The following PRICKLE2 variants were observed in gnomAD, a reference collection of about 807,000 sequenced individuals.
The protein encoded by PRICKLE2 is prickle planar cell polarity protein 2, also known as prickle-like protein 2.
A neutral mutation model predicts 81.4 loss-of-function variants in PRICKLE2; 21 were observed. That is an observed-to-expected ratio of 0.26 (90% CI 0.18 to 0.37). The LOEUF is 0.37. PRICKLE2 is among the 10% of genes least tolerant of loss of function. The pLI is 1.00. For missense variants in PRICKLE2, 940 were observed against 1,109.0 expected (o/e 0.85, Z 2.16); for synonymous variants, 456 against 421.5 (o/e 1.08, Z -1.00).
At chr3:64,244,851 T>C (rs1339270357) in intron 2 of PRICKLE2, among the ~76,000 whole-genome samples, 1 of 152,200 alleles carries the variant, frequency 6.6e-6, no homozygotes, top group Non-Finnish European at 1.5e-5. Context: ...GGTATGATTC[T>C]ACTGCGGTTG....
In PRICKLE2 at chr3:64,098,868, A is replaced by C. The variant is rs573021227; in HGVS notation, c.*183T>G. The C allele has an allele frequency of 1.9e-4, 126 of 663,590 alleles. No homozygotes were observed. The African/African-American group carries it at 2.1e-3, about 11-fold the overall frequency. 41.1% of individuals were successfully genotyped at this position (663,590 alleles called of 1,614,324 possible). Reference sequence around the variant, plus strand: ...AAGTGAAATGTGCAAATAATATTCAACATGCCAAGAACTGTGACTACCTAT... The same window carrying C: ...AAGTGAAATGTGCAAATAATATTCACCATGCCAAGAACTGTGACTACCTAT... On this transcript the variant is annotated 3_prime_UTR_variant, in exon 8 of 8. Transcript: ENST00000638394.
chr3:64,182,077 G>A (rs1046951562), intron 2 of PRICKLE2, among the ~76,000 whole-genome samples: 1 of 151,856 alleles, frequency 6.6e-6, no homozygotes, highest in African/African-American at 2.4e-5. Flanking sequence ...GTGGCCCTAT[G>A]GTCTGAATTT....
intron 2 of PRICKLE2, among the ~76,000 whole-genome samples, chr3:64,183,169 AG>A (rs1315888540): frequency 1.3e-5 from 2 of 152,170 alleles, no homozygotes; most frequent in Non-Finnish European, 2.9e-5. Flanking sequence ...ATGCAATGTT[AG>A]TATTATAGAA....
chr3:64,188,473 T>C (rs1277790139), intron 2 of PRICKLE2, among the ~76,000 whole-genome samples: 1 of 152,240 alleles, frequency 6.6e-6, no homozygotes, highest in Non-Finnish European at 1.5e-5. Flanking sequence ...TTCTGGTTTA[T>C]TTGGTCTGGG....
intron 2 of PRICKLE2, among the ~76,000 whole-genome samples, chr3:64,237,239 G>T (rs1475614545): frequency 6.6e-6 from 1 of 152,200 alleles, no homozygotes; most frequent in Non-Finnish European, 1.5e-5. Flanking sequence ...TGTTAGCTCA[G>T]TGGAGGGTCA....
chr3:64,133,644 C>T (rs1415736301), intron 7 of PRICKLE2, among the ~76,000 whole-genome samples: 2 of 152,122 alleles, frequency 1.3e-5, no homozygotes, highest in Non-Finnish European at 2.9e-5. Flanking sequence ...TGACAGTCTA[C>T]TTTCTCACAT....
At chr3:64,160,326 G>A (rs1037216333) in intron 3 of PRICKLE2, among the ~76,000 whole-genome samples, 1 of 152,182 alleles carries the variant, frequency 6.6e-6, no homozygotes, top group Admixed American at 6.5e-5. Flanking sequence ...CCTTGGGCAG[G>A]CTAAAGGTGC....
chr3:64,258,869 G>GAAAGAAAGAAAGAAAGAAAGAAAT (rs1292334874), intron 2 of PRICKLE2, among the ~76,000 whole-genome samples: 10 of 143,840 alleles, frequency 7.0e-5, no homozygotes, highest in Non-Finnish European at 1.5e-4. Flanking sequence ...AAGAAAGAAA[G>GAAAGAAAGAAAGAAAGAAAGAAAT]AAAGAAAGAA....
chr3:64,128,000 G>A (rs1424235782), intron 7 of PRICKLE2, among the ~76,000 whole-genome samples: 1 of 152,120 alleles, frequency 6.6e-6, no homozygotes, highest in African/African-American at 2.4e-5. Context: ...CAAGCAACCA[G>A]AGGATTTCCT....
intron 1 of PRICKLE2, among the ~76,000 whole-genome samples, chr3:64,202,645 C>CGTGTGTGTGTGT (rs71099794): frequency 0.096 from 14,287 of 149,352 alleles, 967 homozygotes; most frequent in East Asian, 0.34. Flanking sequence ...TACTTGTGTG[C>CGTGTGTGTGTGT]GTGTGTGTGT....
chr3:64,120,658 C>T (rs1453214882), intron 7 of PRICKLE2, among the ~76,000 whole-genome samples: 1 of 152,190 alleles, frequency 6.6e-6, no homozygotes, highest in Non-Finnish European at 1.5e-5. Context: ...ACATTTGGAA[C>T]AGCAAAGGGT....
intron 1 of PRICKLE2, among the ~76,000 whole-genome samples, chr3:64,211,309 T>A (rs891786011): frequency 6.6e-6 from 1 of 152,216 alleles, no homozygotes. Context: ...CTGTGTACCA[T>A]GCATTGTGGT....
At chr3:64,112,679 G>A (rs1028253063) in intron 7 of PRICKLE2, among the ~76,000 whole-genome samples, 1 of 152,154 alleles carries the variant, frequency 6.6e-6, no homozygotes, top group Admixed American at 6.5e-5. Flanking sequence ...TTAAACTAAA[G>A]AGCTTCTGCA....
intron 1 of PRICKLE2, 42 bp from the exon 2 acceptor site, chr3:64,199,009 CTTTT>C: frequency 7.9e-7 from 1 of 1,262,822 alleles, no homozygotes; most frequent in South Asian, 1.4e-5. Context: ...AGGAAAAAAC[CTTTT>C]TTTTTTTCCA....
chr3:64,150,007 A>G (rs919440241), intron 6 of PRICKLE2, among the ~76,000 whole-genome samples: 1 of 118,618 alleles, frequency 8.4e-6, no homozygotes, highest in East Asian at 2.6e-4. Context: ...GATCAACTCC[A>G]TCTCTTACAG....
Position 64,224,894 on chromosome 3 carries a change from CA to C in PRICKLE2, c.-41+15del. The C allele has an allele frequency of 1.0e-6, 1 of 984,852 alleles. No individual in the cohort carries two copies. 61.0% of individuals were successfully genotyped at this position (984,852 alleles called of 1,614,324 possible). A position where few individuals can be genotyped will look rare whatever the true frequency, so the allele number is the denominator to read the frequency against. ...CTGCTGTTTAATTTGTGAATTAGAG[CA>C]AATTTCTTACCCACCTCCAGGGAGG... is the stretch of plus-strand genomic sequence containing the variant. On this transcript the variant is annotated intron_variant, in intron 1 of 7. Coordinates refer to ENST00000638394, the MANE Select transcript of PRICKLE2 (RefSeq NM_198859.4).
chr3:64,178,929 C>T (rs913295474), intron 2 of PRICKLE2, among the ~76,000 whole-genome samples: 1 of 152,190 alleles, frequency 6.6e-6, no homozygotes, highest in African/African-American at 2.4e-5. Flanking sequence ...AGCACTATAA[C>T]TCATGCCTGA....
chr3:64,133,075 C>T (rs1221344160), intron 7 of PRICKLE2, among the ~76,000 whole-genome samples: 1 of 152,086 alleles, frequency 6.6e-6, no homozygotes, highest in African/African-American at 2.4e-5. Context: ...AAAAGATGTC[C>T]TCTGATTTGA....
chr3:64,110,597 T>TCTGTGTTGG (rs999689378), intron 7 of PRICKLE2, among the ~76,000 whole-genome samples: 2 of 152,090 alleles, frequency 1.3e-5, no homozygotes, highest in African/African-American at 4.8e-5. Context: ...GGAAAAGAAC[T>TCTGTGTTGG]CTGTGTTGGT....
Sources: gnomAD v4.1 joint callset for allele counts (sites outside exome capture counted in the v4.1 genomes callset) on GRCh38, gnomAD v4.1.1 for gene constraint, MANE v1.5 for transcripts, NCBI Gene and HGNC (gene_info 2026-07-23, HGNC 2026-07-21) for gene names.